CHRNA5: variants seen among roughly 807,000 people sequenced by gnomAD.
CHRNA5 encodes cholinergic receptor nicotinic alpha 5 subunit.
Under a neutral mutation model 41.2 loss-of-function variants are expected in CHRNA5, and 28 were observed. The observed-to-expected ratio is 0.68, with a 90% CI of 0.50 to 0.93. The LOEUF (loss-of-function observed/expected upper bound fraction) is 0.93. Among genes scored for constraint, CHRNA5 ranks in the 40% least tolerant of loss-of-function variants. The pLI is 0.00. For missense variants in CHRNA5, 481 were observed against 581.9 expected (o/e 0.83, Z 1.78); for synonymous variants, 188 against 205.8 (o/e 0.91, Z 0.74).
At chr15:78,593,900 G>A (rs1484162243) in exon 6 of CHRNA5, 1 of 152,142 alleles carries the variant, frequency 6.6e-6, no homozygotes, top group Non-Finnish European at 1.5e-5. Context: ...ATTAGCCAGG[G>A]TGGTGGTGCA....
At chr15:78,578,353 C>T (rs2141407706) in intron 1 of CHRNA5, among the ~76,000 whole-genome samples, 1 of 152,152 alleles carries the variant, frequency 6.6e-6, no homozygotes, top group East Asian at 1.9e-4. Context: ...ACTAAAAATA[C>T]AAAAATTAGC....
At chr15:78,580,735 T>G in intron 1 of CHRNA5, 76 bp from the exon 2 acceptor site, 2 of 1,332,314 alleles carry the variant, frequency 1.5e-6, no homozygotes, top group Non-Finnish European at 2.1e-6. Flanking sequence ...CTCCTGGGTT[T>G]GAACTTTTGT....
intron 1 of CHRNA5, among the ~76,000 whole-genome samples, chr15:78,580,431 T>C (rs2052901169): frequency 6.6e-6 from 1 of 152,178 alleles, no homozygotes; most frequent in Non-Finnish European, 1.5e-5. Context: ...GCTTTTATTA[T>C]TTAGATTTGA....
At chr15:78,581,100 A>G in intron 2 of CHRNA5, 138 bp downstream of exon 2, 1 of 747,012 alleles carries the variant, frequency 1.3e-6, no homozygotes, top group Non-Finnish European at 2.1e-6. Context: ...TCACCAGGGA[A>G]AAGTAGTGAT....
exon 1 of CHRNA5, chr15:78,565,628 A>T: frequency 3.3e-6 from 1 of 307,008 alleles, no homozygotes; most frequent in Non-Finnish European, 5.3e-6. Context: ...TTGTCTCACG[A>T]CTCACACTCA....
At chr15:78,572,821 A>G (rs1340521787) in intron 1 of CHRNA5, among the ~76,000 whole-genome samples, 1 of 152,182 alleles carries the variant, frequency 6.6e-6, no homozygotes, top group Non-Finnish European at 1.5e-5. Flanking sequence ...CAGAACTTAG[A>G]GGAAAACATG....
rs143659162 is a variant in CHRNA5, at chr15:78,588,375, G to A, written c.365G>A (p.Arg122His). Residue 122 changes from arginine to histidine, a missense_variant, in exon 4 of 6, where the codon CGT becomes CAT. Physicochemically the swap from Arg to His is conservative, Grantham distance 29. Coordinates refer to ENST00000299565, the Ensembl canonical transcript of CHRNA5. The surrounding 1 kb of genome is among the most constrained non-coding windows in gnomAD (Gnocchi z 4.1). The stretch of plus-strand genomic sequence containing the variant: ...GACTATGGTGGAATAAAAGTTATAC[G>A]TGTTCCTTCAGACTCTGTCTGGACA... 2.2e-5 allele frequency: 35 copies of A among 1,590,852 alleles called. No individual in the cohort carries two copies. In the South Asian group the frequency reaches 3.0e-4, roughly 14 times the overall value.
intron 1 of CHRNA5, among the ~76,000 whole-genome samples, chr15:78,572,998 G>A (rs1358287004): frequency 6.6e-6 from 1 of 152,094 alleles, no homozygotes; most frequent in Non-Finnish European, 1.5e-5. Flanking sequence ...TGCAATTATA[G>A]CATCATTTTG....
chr15:78,592,907 C>A, intron 5 of CHRNA5, 185 bp from the exon 6 acceptor site: 1 of 511,224 alleles, frequency 2.0e-6, no homozygotes, highest in South Asian at 4.2e-5. Flanking sequence ...TCTTTTAAAG[C>A]TTATATCTAT....
chr15:78,573,882 C>T (rs183021848), intron 1 of CHRNA5, among the ~76,000 whole-genome samples: 36 of 151,732 alleles, frequency 2.4e-4, no homozygotes, highest in Admixed American at 2.0e-3. Flanking sequence ...CCTCCACCTC[C>T]CAGGTTCAAG....
At chr15:78,580,637 T>G (rs2052903171) in intron 1 of CHRNA5, among the ~76,000 whole-genome samples, 174 bp from the exon 2 acceptor site, 1 of 151,812 alleles carries the variant, frequency 6.6e-6, no homozygotes. Context: ...CTGAACTTTT[T>G]TTTTCCTTTT....
chr15:78,589,662 C>A (rs56201623), intron 4 of CHRNA5, 143 bp from the exon 5 acceptor site: 1 of 652,928 alleles, frequency 1.5e-6, no homozygotes, highest in Non-Finnish European at 2.6e-6. Context: ...CTATGTAGCA[C>A]GTATATCTTA....
At chr15:78,573,963 A>ATTTTTTTTTTTTTTT (rs979485573) in intron 1 of CHRNA5, among the ~76,000 whole-genome samples, 53 of 102,078 alleles carry the variant, frequency 5.2e-4, no homozygotes, top group Non-Finnish European at 6.9e-4. Context: ...CGCCTGGCTA[A>ATTTTTTTTTTTTTTT]TTTTTTTTTT....
intron 5 of CHRNA5, 92 bp from the exon 6 acceptor site, chr15:78,593,000 C>G: frequency 1.4e-6 from 2 of 1,479,702 alleles, no homozygotes; most frequent in Non-Finnish European, 1.8e-6. Context: ...AGGCAGAAAT[C>G]GATTTGGCTT....
At chr15:78,583,888 GA>G (rs2052935741) in intron 2 of CHRNA5, among the ~76,000 whole-genome samples, 1 of 152,094 alleles carries the variant, frequency 6.6e-6, no homozygotes, top group Non-Finnish European at 1.5e-5. Flanking sequence ...GGAGACTGTT[GA>G]AAACTTTGAT....
chr15:78,592,784 GAAT>G (rs75798714), intron 5 of CHRNA5, among the ~76,000 whole-genome samples: 5,951 of 152,130 alleles, frequency 0.039, 348 homozygotes, highest in African/African-American at 0.12. Context: ...TATATAGTAA[GAAT>G]AATTTTTTTT....
Position 78,588,434 on chromosome 15 carries a change from T to G in CHRNA5, c.413+11T>G. 2.4e-6 allele frequency: 3 copies of G among 1,237,104 alleles called. No homozygotes were observed. The highest frequency in any genetic ancestry group is 3.4e-6 in the Non-Finnish European group (3 of 883,176). 76.6% of individuals were successfully genotyped at this position (1,237,104 alleles called of 1,614,324 possible). On this transcript the variant is annotated intron_variant, in intron 4 of 5. Transcript: ENST00000299565. The surrounding 1 kb of genome is among the most constrained non-coding windows in gnomAD (Gnocchi z 4.1). ...CGTTTTGTTTGATAAGTAAGTTATA[T>G]TCTAAATATAGTTTTATATTTTCAA...
exon 6 of CHRNA5, chr15:78,595,003 T>C (rs1454371734): frequency 6.6e-6 from 1 of 152,272 alleles, no homozygotes. Context: ...TTTAGAACTC[T>C]TAGCTGTTGA....
chr15:78,586,269 A>G (rs775127189), intron 2 of CHRNA5, among the ~76,000 whole-genome samples: 4 of 152,210 alleles, frequency 2.6e-5, no homozygotes, highest in Non-Finnish European at 4.4e-5. Flanking sequence ...GTGTCTTATA[A>G]TTCATGGCAG....
Sources: gnomAD v4.1 joint callset for allele counts (sites outside exome capture counted in the v4.1 genomes callset) on GRCh38, gnomAD v4.1.1 for gene constraint, Gnocchi (gnomAD v3.1) non-coding constraint, MANE v1.5 for transcripts, NCBI Gene and HGNC (gene_info 2026-07-23, HGNC 2026-07-21) for gene names.